The following UGT1A8 variants were observed in gnomAD, a reference collection of about 807,000 sequenced individuals.
The protein encoded by UGT1A8 is UDP-glucuronosyltransferase 1A8.
Under a neutral mutation model 45.3 loss-of-function variants are expected in UGT1A8, and 39 were observed. The observed-to-expected ratio is 0.86, with a 90% CI of 0.67 to 1.12. The LOEUF (loss-of-function observed/expected upper bound fraction) is 1.12. Among genes scored for constraint, UGT1A8 ranks in the 50% most tolerant of loss-of-function variants. The pLI is 0.00. For missense variants in UGT1A8, 719 were observed against 664.9 expected (o/e 1.08, Z -0.90); for synonymous variants, 275 against 249.2 (o/e 1.10, Z -0.97).
intron 1 of UGT1A8, chr2:233,719,176 A>G (rs538162022): frequency 1.9e-6 from 3 of 1,614,116 alleles, no homozygotes. Context: ...ATTATGAACA[A>G]TGTATCTTTG....
intron 1 of UGT1A8, among the ~76,000 whole-genome samples, chr2:233,756,939 C>G (rs1402557459): frequency 1.3e-5 from 2 of 151,990 alleles, no homozygotes; most frequent in African/African-American, 4.8e-5. Flanking sequence ...GTTACATAAC[C>G]TGAAACCCGG....
chr2:233,770,111 G>A (rs1335443900), intron 4 of UGT1A8: 1 of 152,202 alleles, frequency 6.6e-6, no homozygotes, highest in Non-Finnish European at 1.5e-5. Flanking sequence ...TGTAACCTAA[G>A]AACAACTTGG....
intron 1 of UGT1A8, among the ~76,000 whole-genome samples, chr2:233,726,689 C>T (rs1298047788): frequency 2.0e-5 from 3 of 152,182 alleles, no homozygotes; most frequent in Non-Finnish European, 2.9e-5. Flanking sequence ...CCACCTGTAA[C>T]GGAACATATT....
chr2:233,755,062 C>G, intron 1 of UGT1A8: 1 of 1,335,450 alleles, frequency 7.5e-7, no homozygotes, highest in Middle Eastern at 2.1e-4. Flanking sequence ...GCCCTCGCCT[C>G]GCCATAGCGG....
At chr2:233,630,636 A>G (rs2073169808) in intron 1 of UGT1A8, among the ~76,000 whole-genome samples, 1 of 152,146 alleles carries the variant, frequency 6.6e-6, no homozygotes, top group African/African-American at 2.4e-5. Context: ...GAAGCTTACA[A>G]TCATGACAGA....
chr2:233,686,170 A>G (rs1372808829), intron 1 of UGT1A8, among the ~76,000 whole-genome samples: 1 of 152,190 alleles, frequency 6.6e-6, no homozygotes, highest in Non-Finnish European at 1.5e-5. Context: ...ACCTAAATAG[A>G]AAATCTAAAA....
At chr2:233,744,111 T>C in intron 1 of UGT1A8, 1 of 390,020 alleles carries the variant, frequency 2.6e-6, no homozygotes, top group Non-Finnish European at 4.7e-6. Context: ...CTGGCCCTGC[T>C]CTCTGTGAGG....
chr2:233,735,677 C>A (rs1321375160), intron 1 of UGT1A8, among the ~76,000 whole-genome samples: 1 of 152,088 alleles, frequency 6.6e-6, no homozygotes. Context: ...TTAGTGCTTC[C>A]TTTAGGAGCT....
At chr2:233,660,956 T>C (rs1228490777) in intron 1 of UGT1A8, among the ~76,000 whole-genome samples, 1 of 152,148 alleles carries the variant, frequency 6.6e-6, no homozygotes, top group Non-Finnish European at 1.5e-5. Context: ...TCTCCAGCTT[T>C]ATATCCTTCA....
chr2:233,656,817 C>T (rs116401715), intron 1 of UGT1A8, among the ~76,000 whole-genome samples: 3,398 of 152,136 alleles, frequency 0.022, 116 homozygotes, highest in African/African-American at 0.077. Flanking sequence ...GGGAGACGGG[C>T]GGCACTTAGT....
At chr2:233,747,851 C>G in intron 1 of UGT1A8, 1 of 1,613,534 alleles carries the variant, frequency 6.2e-7, no homozygotes, top group Non-Finnish European at 8.5e-7. Context: ...GGGTCAAGAA[C>G]ATGCTCTACC....
Position 233,698,733 on chromosome 2 carries a change from A to G in UGT1A8, c.856-68301A>G, listed in dbSNP as rs76518000. 8.6e-3 allele frequency among the ~76,000 whole-genome samples: 1,305 copies of G among 152,372 alleles called. 33 individuals carry two copies. Among genetic ancestry groups the G allele is most frequent in the East Asian group, 0.059 (306 of 5,188 alleles). On this transcript the variant is annotated intron_variant, in intron 1 of 4. Transcript: ENST00000373450. ...GCCTTTTGAAAACCATAGCTTGGTG[A>G]CCATTTTTTACATAATGCTATGATT...
chr2:233,625,747 C>T (rs575585235), intron 1 of UGT1A8, among the ~76,000 whole-genome samples: 1 of 151,704 alleles, frequency 6.6e-6, no homozygotes, highest in East Asian at 1.9e-4. Context: ...AGTGGGTACT[C>T]ATGGGCATAA....
At chr2:233,736,278 A>G (rs1329214759) in intron 1 of UGT1A8, among the ~76,000 whole-genome samples, 1 of 152,040 alleles carries the variant, frequency 6.6e-6, no homozygotes, top group African/African-American at 2.4e-5. Flanking sequence ...AGTCACTGAT[A>G]CCCTTTCTTC....
chr2:233,703,131 T>C (rs189915613), intron 1 of UGT1A8, among the ~76,000 whole-genome samples: 2 of 152,336 alleles, frequency 1.3e-5, no homozygotes, highest in East Asian at 1.9e-4. Flanking sequence ...TTACCTGTTA[T>C]GGCTTTATTT....
At chr2:233,642,859 A>G (rs2073488463) in intron 1 of UGT1A8, among the ~76,000 whole-genome samples, 1 of 151,976 alleles carries the variant, frequency 6.6e-6, no homozygotes, top group Admixed American at 6.5e-5. Context: ...ACTTCCTCCC[A>G]AAAATACAGA....
chr2:233,703,224 C>T (rs546346413), intron 1 of UGT1A8, among the ~76,000 whole-genome samples: 1 of 152,140 alleles, frequency 6.6e-6, no homozygotes, highest in African/African-American at 2.4e-5. Context: ...TTATCTAATT[C>T]CTTGGCATAA....
chr2:233,673,438 C>T (rs17862857), intron 1 of UGT1A8, among the ~76,000 whole-genome samples: 28,700 of 151,924 alleles, frequency 0.19, 2,864 homozygotes, highest in Non-Finnish European at 0.23. Context: ...GCCGTGTAAA[C>T]ACTCTTTAAT....
chr2:233,657,748 T>A (rs2073887147), intron 1 of UGT1A8, among the ~76,000 whole-genome samples: 3 of 152,230 alleles, frequency 2.0e-5, no homozygotes, highest in Non-Finnish European at 4.4e-5. Context: ...TTTTCCTATT[T>A]AAATATGATG....
Sources: gnomAD v4.1 joint callset for allele counts (sites outside exome capture counted in the v4.1 genomes callset) on GRCh38, gnomAD v4.1.1 for gene constraint, MANE v1.5 for transcripts, NCBI Gene and HGNC (gene_info 2026-07-23, HGNC 2026-07-21) for gene names.